Variants in NRG3 observed in about 807,000 individuals in gnomAD.
NRG3 encodes the protein neuregulin 3, also known as pro-neuregulin-3, membrane-bound isoform.
NRG3 carries 31 observed loss-of-function variants against 66.9 expected under a neutral mutation model. That is an observed-to-expected ratio of 0.46 (90% CI 0.35 to 0.63). The LOEUF is 0.63. NRG3 is among the 20% of genes least tolerant of loss of function. The probability of loss-of-function intolerance (pLI) is 0.00; values close to 1 mark genes in which losing one functional copy is unlikely to be tolerated. For missense variants in NRG3, 910 were observed against 878.9 expected, an observed-to-expected ratio of 1.04 and a Z score of -0.45; for synonymous variants, 393 against 359.4, an observed-to-expected ratio of 1.09 and a Z score of -1.06.
At chr10:82,679,277 A>G (rs1219111906) in intron 2 of NRG3, among the ~76,000 whole-genome samples, 1 of 152,154 alleles carries the variant, frequency 6.6e-6, no homozygotes, top group East Asian at 1.9e-4. Flanking sequence ...TATTCATCAT[A>G]ATTATGGCAT....
At chr10:81,940,006 C>A (rs1848265641) in intron 1 of NRG3, among the ~76,000 whole-genome samples, 1 of 151,838 alleles carries the variant, frequency 6.6e-6, no homozygotes, top group South Asian at 2.1e-4. Flanking sequence ...TTTCTAAGTT[C>A]TTTTATGATT....
intron 3 of NRG3, among the ~76,000 whole-genome samples, chr10:82,781,642 A>T (rs544124679): frequency 2.6e-5 from 4 of 152,210 alleles, no homozygotes; most frequent in African/African-American, 9.6e-5. Flanking sequence ...CAAGAAAAAT[A>T]TATGTAGACC....
chr10:82,548,605 C>T (rs561974654), intron 2 of NRG3, among the ~76,000 whole-genome samples: 13 of 151,564 alleles, frequency 8.6e-5, no homozygotes, highest in Admixed American at 7.9e-4. Flanking sequence ...CTTGTCCAGT[C>T]GGGCAAGGCA....
At chr10:82,769,449 TTTAA>T (rs1425260760) in intron 3 of NRG3, among the ~76,000 whole-genome samples, 3 of 152,116 alleles carry the variant, frequency 2.0e-5, no homozygotes, top group Admixed American at 1.3e-4. Flanking sequence ...TTTAAATAAC[TTTAA>T]TTACTTGAAT....
chr10:82,424,582 G>A (rs936864509), intron 2 of NRG3, among the ~76,000 whole-genome samples: 2 of 151,836 alleles, frequency 1.3e-5, no homozygotes, highest in African/African-American at 2.4e-5. Context: ...TATCCATTTT[G>A]TGAATTATCT....
chr10:82,654,747 G>A (rs1284624168), intron 2 of NRG3, among the ~76,000 whole-genome samples: 1 of 151,966 alleles, frequency 6.6e-6, no homozygotes, highest in Admixed American at 6.6e-5. Flanking sequence ...AGACAGCTAG[G>A]GAAATTTATA....
chr10:82,038,511 C>A (rs1203785441), intron 1 of NRG3, among the ~76,000 whole-genome samples: 4 of 152,094 alleles, frequency 2.6e-5, no homozygotes, highest in Non-Finnish European at 4.4e-5. Context: ...GATGAGGACT[C>A]AATTTCAGAC....
chr10:82,661,894 A>G (rs542066776), intron 2 of NRG3, among the ~76,000 whole-genome samples: 3 of 152,304 alleles, frequency 2.0e-5, no homozygotes, highest in African/African-American at 7.2e-5. Context: ...TTAAAGCTTC[A>G]TGCCTTTGAT....
chr10:82,856,389 T>A (rs2063803049), intron 3 of NRG3, among the ~76,000 whole-genome samples: 1 of 152,176 alleles, frequency 6.6e-6, no homozygotes, highest in Non-Finnish European at 1.5e-5. Context: ...GAAGCTTCTT[T>A]TTTTAATTGT....
intron 2 of NRG3, among the ~76,000 whole-genome samples, chr10:82,542,598 C>G (rs548867738): frequency 2.0e-5 from 3 of 152,296 alleles, no homozygotes; most frequent in East Asian, 3.9e-4. Context: ...GCAGATATGA[C>G]TTTAGTCAAG....
intron 1 of NRG3, among the ~76,000 whole-genome samples, chr10:82,239,021 G>T (rs2076888630): frequency 7.0e-6 from 1 of 142,750 alleles, no homozygotes; most frequent in African/African-American, 2.6e-5. Context: ...TATATCTATA[G>T]GTTTACATCT....
chr10:82,895,741 T>C lies in NRG3; in HGVS notation c.1054+30304T>C, dbSNP rs181452207. ...TCCTCACCTCGTGATCCGCCCGCCT[T>C]GGCCTCCCAAAAGTGCTGGGATTAC... On this transcript the variant is annotated intron_variant, in intron 4 of 8. Coordinates refer to ENST00000372141, the MANE Select transcript of NRG3 (RefSeq NM_001010848.4). 3.1e-3 allele frequency among the ~76,000 whole-genome samples: 471 copies of C among 152,268 alleles called. 8 individuals carry two copies. Among genetic ancestry groups the C allele is most frequent in the African/African-American group, 0.01 (418 of 41,560 alleles).
intron 1 of NRG3, among the ~76,000 whole-genome samples, chr10:82,221,068 G>A (rs1188648852): frequency 2.6e-5 from 4 of 152,156 alleles, no homozygotes; most frequent in Non-Finnish European, 5.9e-5. Context: ...TTAAAAATAA[G>A]TAGGCTAGGA....
intron 2 of NRG3, among the ~76,000 whole-genome samples, chr10:82,388,578 G>A (rs111573303): frequency 2.8e-4 from 43 of 152,260 alleles, no homozygotes; most frequent in African/African-American, 1.0e-3. Context: ...AGTAAACTTT[G>A]AATTGTGTAC....
At chr10:82,441,547 G>C (rs962818149) in intron 2 of NRG3, among the ~76,000 whole-genome samples, 2 of 152,108 alleles carry the variant, frequency 1.3e-5, no homozygotes, top group African/African-American at 4.8e-5. Context: ...TGTACAAGAG[G>C]CCAATTCAAT....
Position 82,515,792 on chromosome 10 carries a change from T to C in NRG3, c.953+156924T>C, listed in dbSNP as rs189207690. Reference sequence around the variant, plus strand: ...TTTTGAAAGTGGCTCCACACAGGGCTTCTTCTGGAAGTTTATAGTATCCCC... The same window carrying C: ...TTTTGAAAGTGGCTCCACACAGGGCCTCTTCTGGAAGTTTATAGTATCCCC... On this transcript the variant is annotated intron_variant, in intron 2 of 8. Transcript: ENST00000372141. Among the ~76,000 whole-genome samples, 185 of 152,282 alleles carry C rather than the reference T, an allele frequency of 1.2e-3. 1 individual carries two copies. The highest frequency in any genetic ancestry group is 4.0e-3 in the African/African-American group (166 of 41,572).
In NRG3 at chr10:82,648,915, A is replaced by G. The variant is rs565696846; in HGVS notation, c.954-89662A>G. On this transcript the variant is annotated intron_variant, in intron 2 of 8. Transcript: ENST00000372141. ...CTTAAGGAGATTTTGGGCTGAGACA[A>G]TGCAACAACCCTTCATGCTAAAAAC... Among the ~76,000 whole-genome samples the G allele has an allele frequency of 2.0e-4, 31 of 152,280 alleles. No individual in the cohort carries two copies. The South Asian group carries it at 3.1e-3, about 15-fold the overall frequency.
intron 2 of NRG3, among the ~76,000 whole-genome samples, chr10:82,554,844 C>T (rs909835099): frequency 2.0e-5 from 3 of 152,094 alleles, no homozygotes; most frequent in African/African-American, 7.2e-5. Context: ...AAGACATGAA[C>T]GACATGTGAA....
chr10:82,574,472 A>C (rs1251718799), intron 2 of NRG3, among the ~76,000 whole-genome samples: 1 of 151,794 alleles, frequency 6.6e-6, no homozygotes, highest in Non-Finnish European at 1.5e-5. Context: ...TTGGTAGCAC[A>C]GTAAAGTGAC....
Sources: gnomAD v4.1 joint callset for allele counts (sites outside exome capture counted in the v4.1 genomes callset) on GRCh38, gnomAD v4.1.1 for gene constraint, MANE v1.5 for transcripts, NCBI Gene and HGNC (gene_info 2026-07-23, HGNC 2026-07-21) for gene names.